The following WDTC1 variants were observed in gnomAD, a reference collection of about 807,000 sequenced individuals.
The protein encoded by WDTC1 is WD and tetratricopeptide repeats protein 1.
Under a neutral mutation model 76.0 loss-of-function variants are expected in WDTC1, and 12 were observed. That is an observed-to-expected ratio of 0.16 (90% confidence interval 0.10 to 0.26). The LOEUF is 0.26. Ranked by LOEUF, WDTC1 falls within the 10% of genes least tolerant of loss-of-function variation. WDTC1 has a pLI of 1.00. For synonymous variants in WDTC1, 326 were observed against 350.8 expected (o/e 0.93, Z 0.79); for missense variants, 511 against 908.8 (o/e 0.56, Z 5.63).
chr1:27,297,895 G>C (rs2013734746), intron 11 of WDTC1, 43 bp from the exon 12 acceptor site: 1 of 1,557,146 alleles, frequency 6.4e-7, no homozygotes, highest in African/African-American at 1.4e-5. Context: ...GGGCTGCTCT[G>C]ACCTTCTTTG....
At chr1:27,291,587 C>T (rs2013537848) in intron 6 of WDTC1, among the ~76,000 whole-genome samples, 1 of 152,130 alleles carries the variant, frequency 6.6e-6, no homozygotes, top group African/African-American at 2.4e-5. Context: ...TGGGAGTTTG[C>T]TGCTGTTTGG....
chr1:27,302,222 G>A (rs1186955868), intron 13 of WDTC1, among the ~76,000 whole-genome samples: 1 of 152,184 alleles, frequency 6.6e-6, no homozygotes, highest in Non-Finnish European at 1.5e-5. Context: ...GAATAGAGCT[G>A]TGACTAAGTC....
rs1385621965 is a variant in WDTC1 at position 27,283,383 on chromosome 1, C to T, written c.225C>T (p.Asp75=). ...ATGACCAGCACACGATTGTGTGGGA[C>T]CCGCTGCACCACAAGAAGCTGCTCT... ...GSDDQHTIVW[D]PLHHKKLLSM... The change falls in exon 5 of 16, where the codon GAC becomes GAT. Residue 75 remains aspartate (D), a synonymous_variant. Coordinates refer to ENST00000319394, the MANE Select transcript of WDTC1 (RefSeq NM_001276252.2). 3 of 1,613,800 alleles carry T rather than the reference C, an allele frequency of 1.9e-6. No individual in the cohort carries two copies. The highest frequency in any genetic ancestry group is 1.7e-6 in the Non-Finnish European group (2 of 1,180,020).
chr1:27,301,416 T>C lies in WDTC1; in HGVS notation c.1423T>C (p.Leu475=), dbSNP rs1486912224. The change falls in exon 13 of 16, where the codon TTG becomes CTG. Residue 475 remains leucine, a synonymous_variant. Coordinates refer to ENST00000319394, the MANE Select transcript of WDTC1 (RefSeq NM_001276252.2). The surrounding 1 kb of genome is among the most constrained non-coding windows in gnomAD (Gnocchi z 5.8). ...GGCCCACAGCAGCGCTTGTGATGCA[T>C]TGGGCCGCGACATCACAGCTGCCCT... ...EQAHSSACDA[L]GRDITAALFS... 3 of 1,613,874 alleles carry C rather than the reference T, an allele frequency of 1.9e-6. No individual in the cohort carries two copies. The highest frequency in any genetic ancestry group is 2.5e-6 in the Non-Finnish European group (3 of 1,180,016).
rs1182858330 is a variant in WDTC1, at chr1:27,293,868, C to A, written c.663-154C>A. Among the ~76,000 whole-genome samples the A allele has an allele frequency of 2.6e-5, 4 of 152,152 alleles. No individual in the cohort carries two copies. The East Asian group carries it at 7.7e-4, about 29-fold the overall frequency. ...CTGTAATGTATATGTCTGTAATTGT[C>A]TAGTTGGTGGGCCTTTGGGGTTGCT... On this transcript the variant is annotated intron_variant, in intron 7 of 15. Coordinates refer to ENST00000319394, the MANE Select transcript of WDTC1 (RefSeq NM_001276252.2).
At position 27,292,252 on chromosome 1, in the gene WDTC1, G is replaced by A; in HGVS notation, c.517G>A (p.Val173Met). 1.2e-6 allele frequency: 2 copies of A among 1,608,592 alleles called. No homozygotes were observed. Among genetic ancestry groups the A allele is most frequent in the Non-Finnish European group, 1.7e-6 (2 of 1,177,382 alleles). The change falls in exon 7 of 16, where the codon GTG (valine) becomes ATG (methionine). Residue 173 changes from valine (V) to methionine (M), a missense_variant. Physicochemically the swap from Val to Met is conservative, Grantham distance 21. Transcript: ENST00000319394. ...TCGAGAGAACAGCAAACACTCGGAG[G>A]TGCTGATTGACCTGACAGAGTACTG... The part of the protein sequence containing the change: ...DLRENSKHSE[V>M]LIDLTEYCGQ...
At chr1:27,287,888 C>T (rs745690134) in intron 6 of WDTC1, 27 bp downstream of exon 6, 1 of 1,599,752 alleles carries the variant, frequency 6.3e-7, no homozygotes, top group African/African-American at 1.3e-5. Context: ...TCTAGTGGAG[C>T]CTGTCGCTCC....
chr1:27,302,693 A>G (rs1039452044), intron 13 of WDTC1, among the ~76,000 whole-genome samples: 9 of 152,100 alleles, frequency 5.9e-5, no homozygotes, highest in African/African-American at 2.2e-4. Context: ...GTGAGCCATG[A>G]TCACACCACT....
Position 27,267,580 on chromosome 1 carries a change from C to T in WDTC1, c.132+4345C>T, listed in dbSNP as rs140148459. Among the ~76,000 whole-genome samples, 15 of 152,158 alleles carry T rather than the reference C, an allele frequency of 9.9e-5. No homozygotes were observed. The East Asian group carries it at 2.9e-3, about 29-fold the overall frequency. ...TCATTATTTTTCCCAGCTATGTAAT[C>T]CAGTTACGTGGAATTGACTAATATA... On this transcript the variant is annotated intron_variant, in intron 3 of 15. Transcript: ENST00000319394.
intron 1 of WDTC1, among the ~76,000 whole-genome samples, chr1:27,246,964 C>G (rs1367448376): frequency 6.6e-6 from 1 of 150,808 alleles, no homozygotes; most frequent in Non-Finnish European, 1.5e-5. Context: ...ACTCCTGGGC[C>G]TAAGTAATCC....
At chr1:27,296,533 C>A (rs2013689945) in intron 10 of WDTC1, 132 bp downstream of exon 10, 1 of 905,460 alleles carries the variant, frequency 1.1e-6, no homozygotes. Context: ...GAAATAACCC[C>A]ACCTATGCAG....
At chr1:27,260,821 A>G in intron 1 of WDTC1, 135 bp from the exon 2 acceptor site, 1 of 580,220 alleles carries the variant, frequency 1.7e-6, no homozygotes, top group East Asian at 2.8e-5. Context: ...AACACTATGG[A>G]GCAGGGCCAG....
chr1:27,272,043 C>T (rs1278204888), intron 3 of WDTC1, among the ~76,000 whole-genome samples: 10 of 149,940 alleles, frequency 6.7e-5, no homozygotes, highest in African/African-American at 2.2e-4. Context: ...GTTGGGAGTT[C>T]GAGACCAGCC....
chr1:27,259,529 T>C (rs2012406764), intron 1 of WDTC1, among the ~76,000 whole-genome samples: 1 of 151,958 alleles, frequency 6.6e-6, no homozygotes, highest in Non-Finnish European at 1.5e-5. Flanking sequence ...TCTCGCTATG[T>C]TGCCCAAGGA....
In WDTC1 at chr1:27,275,609, C is replaced by T. The variant is rs1480132557; in HGVS notation, c.133-6630C>T. Reference sequence around the variant, plus strand: ...CTCTAACCTGGGCGACAGAGTGAGACTCTGTCTCAAAAAAAAAAAAAAAAT... The same window carrying T: ...CTCTAACCTGGGCGACAGAGTGAGATTCTGTCTCAAAAAAAAAAAAAAAAT... On this transcript the variant is annotated intron_variant, in intron 3 of 15. Transcript: ENST00000319394. Among the ~76,000 whole-genome samples, 33 of 148,506 alleles carry T rather than the reference C, an allele frequency of 2.2e-4. 1 individual carries two copies. Among genetic ancestry groups the T allele is most frequent in the Admixed American group, 2.2e-3 (33 of 14,868 alleles).
intron 3 of WDTC1, among the ~76,000 whole-genome samples, chr1:27,265,967 T>C (rs2012650758): frequency 6.6e-6 from 1 of 152,266 alleles, no homozygotes; most frequent in South Asian, 2.1e-4. Context: ...AAAATTGTTT[T>C]AATTTCTAAT....
chr1:27,260,171 C>A (rs1323873471), intron 1 of WDTC1, among the ~76,000 whole-genome samples: 1 of 152,132 alleles, frequency 6.6e-6, no homozygotes, highest in African/African-American at 2.4e-5. Flanking sequence ...GTGGCGCAAT[C>A]TCGGCTCACT....
chr1:27,234,704 A>G lies in WDTC1; in HGVS notation c.-347A>G. The G allele has an allele frequency of 2.5e-6, 1 of 397,564 alleles. No individual in the cohort carries two copies. The highest frequency in any genetic ancestry group is 3.6e-5 in the East Asian group (1 of 27,982). The allele number at this position is 397,564 out of a possible 1,614,324, so 24.6% of individuals were successfully genotyped here. On this transcript the variant is annotated 5_prime_UTR_variant, in exon 1 of 16. Coordinates refer to ENST00000319394, the MANE Select transcript of WDTC1 (RefSeq NM_001276252.2). ...GAGGAGGGAGGGGAGTGCGTGTGTGAGAGCGCGCGAGGGAGTGTGAGTGTG... is the reference window on the plus strand; with the variant it reads ...GAGGAGGGAGGGGAGTGCGTGTGTGGGAGCGCGCGAGGGAGTGTGAGTGTG...
intron 1 of WDTC1, among the ~76,000 whole-genome samples, chr1:27,242,758 C>T (rs561048334): frequency 8.5e-5 from 13 of 152,156 alleles, no homozygotes; most frequent in African/African-American, 2.7e-4. Context: ...CGTGAGCCAC[C>T]GCACCCAGGC....
Sources: allele counts gnomAD v4.1 joint callset (sites outside exome capture counted in the v4.1 genomes callset), GRCh38; gene constraint gnomAD v4.1.1; non-coding constraint Gnocchi (gnomAD v3.1); transcripts MANE v1.5; gene names NCBI Gene and HGNC (gene_info 2026-07-23, HGNC 2026-07-21).